CRACR2A: variants seen among roughly 807,000 people sequenced by gnomAD.
CRACR2A encodes EF-hand calcium-binding domain-containing protein 4B.
A neutral mutation model predicts 90.5 loss-of-function variants in CRACR2A; 79 were observed. That is an observed-to-expected ratio of 0.87 (90% CI 0.73 to 1.05). The LOEUF is 1.05. CRACR2A is among the 50% of genes least tolerant of loss of function. The pLI, the probability that CRACR2A is intolerant of heterozygous loss-of-function variation, is 0.00. For missense variants in CRACR2A, 823 were observed against 897.2 expected, an observed-to-expected ratio of 0.92 and a Z score of 1.06; for synonymous variants, 338 against 356.7, an observed-to-expected ratio of 0.95 and a Z score of 0.59.
At chr12:3,751,916 A>G (rs17780991) in intron 1 of CRACR2A, among the ~76,000 whole-genome samples, 11 of 152,146 alleles carry the variant, frequency 7.2e-5, no homozygotes, top group African/African-American at 2.6e-4. Context: ...GAGGTTGTAC[A>G]TATTCATTTC....
chr12:3,616,647 G>A (rs1016619732), intron 19 of CRACR2A, among the ~76,000 whole-genome samples: 1 of 152,204 alleles, frequency 6.6e-6, no homozygotes, highest in Non-Finnish European at 1.5e-5. Flanking sequence ...CCTTCCCCCA[G>A]AAGGATTGGC....
chr12:3,713,186 G>A (rs1946031483), intron 3 of CRACR2A, 51 bp downstream of exon 3: 2 of 914,400 alleles, frequency 2.2e-6, no homozygotes, highest in Non-Finnish European at 1.3e-6. Context: ...GGTCTGGGGT[G>A]GGGGCAGATC....
chr12:3,740,711 G>A (rs937930962), intron 1 of CRACR2A, among the ~76,000 whole-genome samples: 4 of 152,154 alleles, frequency 2.6e-5, no homozygotes, highest in Admixed American at 6.5e-5. Flanking sequence ...GATCATCTCC[G>A]TGTACATAAT....
At chr12:3,736,941 C>T (rs747916059) in intron 1 of CRACR2A, among the ~76,000 whole-genome samples, 1 of 152,140 alleles carries the variant, frequency 6.6e-6, no homozygotes, top group African/African-American at 2.4e-5. Context: ...ATGCATTCTC[C>T]AATAAGCAAC....
At chr12:3,646,575 G>A (rs570654025) in intron 11 of CRACR2A, among the ~76,000 whole-genome samples, 1 of 152,332 alleles carries the variant, frequency 6.6e-6, no homozygotes, top group South Asian at 2.1e-4. Context: ...ACCTGCATGA[G>A]GTGAGCAGGC....
chr12:3,735,788 T>G (rs1179626896), intron 1 of CRACR2A, among the ~76,000 whole-genome samples: 1 of 152,204 alleles, frequency 6.6e-6, no homozygotes, highest in Non-Finnish European at 1.5e-5. Context: ...TTGTTACCAA[T>G]TCAGATCTTG....
chr12:3,660,905 T>C (rs1945021722), intron 7 of CRACR2A, among the ~76,000 whole-genome samples: 1 of 145,124 alleles, frequency 6.9e-6, no homozygotes, highest in African/African-American at 2.6e-5. Flanking sequence ...GCCCCTGCCA[T>C]TCTAACTTAA....
chr12:3,681,316 T>C (rs1945446801), intron 4 of CRACR2A, among the ~76,000 whole-genome samples: 1 of 151,836 alleles, frequency 6.6e-6, no homozygotes, highest in South Asian at 2.1e-4. Flanking sequence ...GCCCCAAGAG[T>C]ATTTGTGTGT....
chr12:3,733,715 GA>G (rs1946396659), intron 1 of CRACR2A, among the ~76,000 whole-genome samples: 1 of 152,020 alleles, frequency 6.6e-6, no homozygotes, highest in East Asian at 1.9e-4. Flanking sequence ...TTACACATGC[GA>G]TAAATATCCT....
intron 6 of CRACR2A, among the ~76,000 whole-genome samples, chr12:3,675,567 T>A (rs958744208): frequency 1.3e-5 from 2 of 152,314 alleles, no homozygotes; most frequent in South Asian, 2.1e-4. Context: ...ATTAAATAAA[T>A]GTTTATACTA....
At chr12:3,624,289 C>A (rs1944214145) in intron 17 of CRACR2A, among the ~76,000 whole-genome samples, 2 of 152,152 alleles carry the variant, frequency 1.3e-5, no homozygotes, top group South Asian at 4.1e-4. Flanking sequence ...ATTAAAGCTC[C>A]CCCTCCACCC....
chr12:3,724,487 A>G (rs1395874117), intron 2 of CRACR2A, among the ~76,000 whole-genome samples: 1 of 152,198 alleles, frequency 6.6e-6, no homozygotes, highest in African/African-American at 2.4e-5. Flanking sequence ...TTATTAACTA[A>G]GCACAGCTGG....
chr12:3,711,338 C>G lies in CRACR2A; in HGVS notation c.-37+1899G>C, dbSNP rs1946003929. Among the ~76,000 whole-genome samples, 1 of 152,202 alleles carries G rather than the reference C, an allele frequency of 6.6e-6. No individual in the cohort carries two copies. The highest frequency in any genetic ancestry group is 1.5e-5 in the Non-Finnish European group (1 of 68,026). ...GTCATAGTCCTCCTCTCAAATTTTA[C>G]TTTAAGCAGTCGAGAGAAACTAGGC... On this transcript the variant is annotated intron_variant, in intron 3 of 19. Coordinates refer to ENST00000440314, the MANE Select transcript of CRACR2A (RefSeq NM_001144958.2). The surrounding 1 kb of genome is among the most constrained non-coding windows in gnomAD (Gnocchi z 4.3).
chr12:3,653,204 A>G (rs1464063855), intron 10 of CRACR2A, among the ~76,000 whole-genome samples: 3 of 151,302 alleles, frequency 2.0e-5, no homozygotes, highest in Non-Finnish European at 3.0e-5. Context: ...GCTGGTCTTG[A>G]ACTCCTGACC....
At chr12:3,693,226 G>A (rs1332992232) in intron 4 of CRACR2A, among the ~76,000 whole-genome samples, 2 of 152,208 alleles carry the variant, frequency 1.3e-5, no homozygotes, top group African/African-American at 2.4e-5. Flanking sequence ...ATGGCCTTAC[G>A]GGCTGCCCTA....
chr12:3,681,417 G>C (rs1477228340), intron 4 of CRACR2A, among the ~76,000 whole-genome samples: 1 of 152,240 alleles, frequency 6.6e-6, no homozygotes, highest in Non-Finnish European at 1.5e-5. Flanking sequence ...GAAGGGCAGA[G>C]AACAATTAAT....
At chr12:3,641,329 G>A (rs1944566579) in intron 13 of CRACR2A, among the ~76,000 whole-genome samples, 1 of 152,180 alleles carries the variant, frequency 6.6e-6, no homozygotes, top group African/African-American at 2.4e-5. Flanking sequence ...GGGCAACAAA[G>A]CAAGACTCTG....
intron 3 of CRACR2A, among the ~76,000 whole-genome samples, chr12:3,702,356 T>G (rs1189631944): frequency 1.3e-5 from 2 of 152,152 alleles, no homozygotes; most frequent in Non-Finnish European, 2.9e-5. Flanking sequence ...AAGGAAAAAG[T>G]TAAATTGTCT....
At chr12:3,629,727 C>T (rs1944344320) in intron 15 of CRACR2A, among the ~76,000 whole-genome samples, 1 of 151,754 alleles carries the variant, frequency 6.6e-6, no homozygotes, top group Non-Finnish European at 1.5e-5. Flanking sequence ...CTGTGGTGAG[C>T]TTGGTGAGAC....
Sources: allele counts gnomAD v4.1 joint callset (sites outside exome capture counted in the v4.1 genomes callset), GRCh38; gene constraint gnomAD v4.1.1; non-coding constraint Gnocchi (gnomAD v3.1); transcripts MANE v1.5; gene names NCBI Gene and HGNC (gene_info 2026-07-23, HGNC 2026-07-21).